CACNA1A: variants seen among roughly 807,000 people sequenced by gnomAD.
CACNA1A encodes the protein calcium voltage-gated channel subunit alpha1 A, also known as voltage-dependent P/Q-type calcium channel subunit alpha-1A.
A neutral mutation model predicts 262.4 loss-of-function variants in CACNA1A; 57 were observed. The observed-to-expected ratio is 0.22, with a 90% CI of 0.18 to 0.27. The LOEUF (loss-of-function observed/expected upper bound fraction) is 0.27, where lower values mean the gene tolerates loss of function less well. Ranked by LOEUF, CACNA1A falls within the 10% of genes least tolerant of loss-of-function variation. CACNA1A has a pLI of 1.00. For synonymous variants in CACNA1A, 1,431 were observed against 1,419.3 expected (o/e 1.01, Z -0.18); for missense variants, 2,526 against 3,562.8 (o/e 0.71, Z 7.41).
In CACNA1A at chr19:13,248,409, CAAAAA is replaced by C. The variant is rs61481896; in HGVS notation, c.4867-3149_4867-3145del. ...TGGGCAACAGAGTAAGATCCCATCT[CAAAAA>C]AAAAAAAAAAAAAAAAAAAGAGAAA... is the stretch of plus-strand genomic sequence containing the variant. On this transcript the variant is annotated intron_variant, in intron 30 of 46. Transcript: ENST00000360228. Among the ~76,000 whole-genome samples the C allele has an allele frequency of 7.0e-3, 409 of 58,832 alleles. 2 individuals are homozygous for C. Among genetic ancestry groups the C allele is most frequent in the African/African-American group, 0.023 (371 of 15,982 alleles). 38.6% of individuals were successfully genotyped at this position (58,832 alleles called of 152,430 possible).
At chr19:13,304,312 A>G (rs572521574) in intron 15 of CACNA1A, among the ~76,000 whole-genome samples, 1 of 152,042 alleles carries the variant, frequency 6.6e-6, no homozygotes. Flanking sequence ...GGGGGACTTC[A>G]TGATGGTATT....
In CACNA1A at chr19:13,213,072, T is replaced by G. The variant is rs535566692; in HGVS notation, c.5941-332A>C. ...GAGTCAGGTCCTATCCCTCCTTTGC[T>G]TAGAACCCTCCATGGCTCCCACTTG... On this transcript the variant is annotated intron_variant, in intron 40 of 46. Transcript: ENST00000360228. 3.3e-5 allele frequency among the ~76,000 whole-genome samples: 5 copies of G among 152,226 alleles called. No homozygotes were observed. In the East Asian group the frequency reaches 9.6e-4, roughly 29 times the overall value.
At chr19:13,261,162 C>T (rs1238048046) in intron 26 of CACNA1A, 8 of 316,588 alleles carry the variant, frequency 2.5e-5, no homozygotes, top group East Asian at 5.3e-5. Context: ...CTGCCTGTAA[C>T]GATTTCAAGT....
chr19:13,309,702 A>T (rs1223366298), intron 12 of CACNA1A, among the ~76,000 whole-genome samples: 1 of 152,046 alleles, frequency 6.6e-6, no homozygotes, highest in Non-Finnish European at 1.5e-5. Flanking sequence ...CAAATAAAAT[A>T]AAAAATAAAA....
At chr19:13,307,382 T>A (rs1437721907) in intron 15 of CACNA1A, 1 of 166,268 alleles carries the variant, frequency 6.0e-6, no homozygotes, top group Non-Finnish European at 1.3e-5. Context: ...TACAGGCATG[T>A]GCTACCACGC....
rs1335528398 is a variant in CACNA1A, at chr19:13,380,749, G to GTTTGTTTA, written c.540-8971_540-8970insTAAACAAA. ...CATTTATTGGTTTGTTTGTTTGTTTGTTTATTTATTTATTTATTTATTTAT... is the reference window on the plus strand; with the variant it reads ...CATTTATTGGTTTGTTTGTTTGTTTGTTTGTTTATTTATTTATTTATTTATTTATTTAT... On this transcript the variant is annotated intron_variant, in intron 3 of 46. Transcript: ENST00000360228. Among the ~76,000 whole-genome samples, 431 of 80,990 alleles carry GTTTGTTTA rather than the reference G, an allele frequency of 5.3e-3. 2 individuals carry two copies. The highest frequency in any genetic ancestry group is 7.3e-3 in the Non-Finnish European group (282 of 38,854). The allele number at this position is 80,990 out of a possible 152,430, so 53.1% of individuals were successfully genotyped here. A position where few individuals can be genotyped will look rare whatever the true frequency, so the allele number is the denominator to read the frequency against.
intron 10 of CACNA1A, among the ~76,000 whole-genome samples, chr19:13,329,095 C>T (rs558053555): frequency 6.6e-6 from 1 of 152,268 alleles, no homozygotes; most frequent in African/African-American, 2.4e-5. Flanking sequence ...ACAACAATAA[C>T]AATACATTCT....
intron 24 of CACNA1A, among the ~76,000 whole-genome samples, chr19:13,268,481 T>C (rs2056922850): frequency 1.3e-5 from 2 of 151,198 alleles, no homozygotes; most frequent in Admixed American, 1.3e-4. Context: ...TCGCCCAGGC[T>C]GGAGTGCAGT....
At chr19:13,493,461 C>T (rs943780974) in intron 1 of CACNA1A, among the ~76,000 whole-genome samples, 3 of 152,252 alleles carry the variant, frequency 2.0e-5, no homozygotes, top group Admixed American at 6.5e-5. Flanking sequence ...CAACCAAAAA[C>T]GTCTCCAGAC....
rs368853772 is a variant in CACNA1A at position 13,305,931 on chromosome 19, G to GCA, written c.1986+1849_1986+1850dup. Among the ~76,000 whole-genome samples the GCA allele has an allele frequency of 4.4e-3, 672 of 152,116 alleles. 6 individuals are homozygous for GCA. Among genetic ancestry groups the GCA allele is most frequent in the African/African-American group, 0.015 (635 of 41,486 alleles). On this transcript the variant is annotated intron_variant, in intron 15 of 46. Coordinates refer to ENST00000360228, the MANE Select transcript of CACNA1A (RefSeq NM_001127222.2). ...AAAAATTAGCCAGGCATGGTAGTAT[G>GCA]CACCTGTAGTCTCAGCTACTCGGGA...
Position 13,207,906 on chromosome 19 carries a change from C to T in CACNA1A, c.6928G>A (p.Gly2310Arg). 2.7e-6 allele frequency: 4 copies of T among 1,466,672 alleles called. No individual in the cohort carries two copies. Among genetic ancestry groups the T allele is most frequent in the Non-Finnish European group, 2.7e-6 (3 of 1,114,442 alleles). The allele number at this position is 1,466,672 out of a possible 1,614,324, so 90.9% of individuals were successfully genotyped here. The change falls in exon 47 of 47, where the codon GGG becomes AGG. Residue 2310 changes from glycine (G) to arginine (R), a missense_variant. Gly to Arg is a moderately radical substitution (Grantham distance 125, BLOSUM62 -2). Transcript: ENST00000360228. The surrounding 1 kb of genome is among the most constrained non-coding windows in gnomAD (Gnocchi z 5.7). The stretch of plus-strand genomic sequence containing the variant: ...TGCTGCTGCTGCTGCTGCGGGGGCC[C>T]CGAGCCGCCGGCCTTACGGATCACA... ...SPVIRKAGGS[G>R]PPQQQQQQQQ... is the part of the protein sequence containing the mutation.
chr19:13,319,838 C>A (rs1315589035), intron 10 of CACNA1A, among the ~76,000 whole-genome samples: 1 of 152,166 alleles, frequency 6.6e-6, no homozygotes, highest in African/African-American at 2.4e-5. Context: ...TAGGGACCAG[C>A]GTCATCCCCA....
intron 3 of CACNA1A, among the ~76,000 whole-genome samples, chr19:13,389,899 G>A (rs1382132820): frequency 6.6e-6 from 1 of 152,080 alleles, no homozygotes; most frequent in Non-Finnish European, 1.5e-5. Flanking sequence ...TGCAACCTCT[G>A]CTTCCCAGGT....
chr19:13,237,779 C>T (rs983413816), intron 31 of CACNA1A, among the ~76,000 whole-genome samples: 1 of 152,204 alleles, frequency 6.6e-6, no homozygotes, highest in Non-Finnish European at 1.5e-5. Flanking sequence ...TGACCCCCAT[C>T]CCTGCCTGGC....
chr19:13,314,060 G>A (rs753112513), intron 11 of CACNA1A, among the ~76,000 whole-genome samples: 2 of 152,176 alleles, frequency 1.3e-5, no homozygotes, highest in Non-Finnish European at 2.9e-5. Context: ...AAATGCCTCA[G>A]GGAGGGGTAA....
intron 6 of CACNA1A, among the ~76,000 whole-genome samples, chr19:13,349,086 A>G (rs2058853142): frequency 6.6e-6 from 1 of 150,878 alleles, no homozygotes; most frequent in Admixed American, 6.6e-5. Flanking sequence ...ATGAAGGGTG[A>G]TGAATTGTGT....
chr19:13,415,915 G>GCTGGC (rs1216680052), intron 3 of CACNA1A, among the ~76,000 whole-genome samples: 2 of 152,046 alleles, frequency 1.3e-5, no homozygotes, highest in Non-Finnish European at 2.9e-5. Flanking sequence ...TCTCTCACCA[G>GCTGGC]CTGGCCTGTG....
intron 18 of CACNA1A, 103 bp downstream of exon 18, chr19:13,300,447 T>C: frequency 1.3e-6 from 1 of 775,216 alleles, no homozygotes; most frequent in Middle Eastern, 3.1e-4. Flanking sequence ...TTCCTAAAGC[T>C]CAGTTCTGTC....
intron 30 of CACNA1A, among the ~76,000 whole-genome samples, chr19:13,251,440 G>C (rs922059247): frequency 3.3e-5 from 5 of 152,070 alleles, no homozygotes; most frequent in Admixed American, 3.3e-4. Flanking sequence ...CCGAGATTGC[G>C]CCACTGCACT....
Sources: allele counts gnomAD v4.1 joint callset (sites outside exome capture counted in the v4.1 genomes callset), GRCh38; gene constraint gnomAD v4.1.1; non-coding constraint Gnocchi (gnomAD v3.1); transcripts MANE v1.5; gene names NCBI Gene and HGNC (gene_info 2026-07-23, HGNC 2026-07-21).